The following CEP295 variants were observed in gnomAD, a reference collection of about 807,000 sequenced individuals.
CEP295 encodes the protein centrosomal protein 295, also known as centrosomal protein of 295 kDa.
CEP295 carries 190 observed loss-of-function variants against 291.6 expected under a neutral mutation model. The ratio of observed to expected loss-of-function variants is 0.65; its 90% CI spans 0.58 to 0.73. The LOEUF is 0.73. Ranked by LOEUF, CEP295 falls within the 30% of genes least tolerant of loss-of-function variation. The pLI, the probability that CEP295 is intolerant of heterozygous loss-of-function variation, is 0.00. For missense variants in CEP295, 2,863 were observed against 2,949.4 expected, an observed-to-expected ratio of 0.97 and a Z score of 0.68; for synonymous variants, 993 against 1,038.8, an observed-to-expected ratio of 0.96 and a Z score of 0.85.
intron 9 of CEP295, among the ~76,000 whole-genome samples, chr11:93,686,275 C>A (rs1951232993): frequency 6.6e-6 from 1 of 151,230 alleles, no homozygotes; most frequent in Non-Finnish European, 1.5e-5. Flanking sequence ...GCCGAAACCA[C>A]ACCACTGCAC....
chr11:93,663,741 G>A (rs1009479843), intron 1 of CEP295, among the ~76,000 whole-genome samples: 3 of 152,016 alleles, frequency 2.0e-5, no homozygotes, highest in South Asian at 2.1e-4. Flanking sequence ...TCGCATTTTA[G>A]GAGCTTAAAA....
At chr11:93,704,248 GA>G (rs35291729) in intron 17 of CEP295, among the ~76,000 whole-genome samples, 2 of 151,652 alleles carry the variant, frequency 1.3e-5, no homozygotes, top group Non-Finnish European at 2.9e-5. Flanking sequence ...TATAGTAGTT[GA>G]AAAAAAAGCT....
Position 93,662,759 on chromosome 11 carries a change from T to C in CEP295, c.-27+985T>C, listed in dbSNP as rs865870815. ...GGATACTAACGTCAATGGGCAAAAG[T>C]ATGATGAAAAGCATATTTCTGTAGC... On this transcript the variant is annotated intron_variant, in intron 1 of 29. Coordinates refer to ENST00000325212, the MANE Select transcript of CEP295 (RefSeq NM_033395.2). Among the ~76,000 whole-genome samples, 11 of 152,312 alleles carry C rather than the reference T, an allele frequency of 7.2e-5. No homozygotes were observed. The South Asian group carries it at 2.3e-3, about 32-fold the overall frequency.
intron 9 of CEP295, among the ~76,000 whole-genome samples, chr11:93,686,884 A>T (rs1370528734): frequency 6.6e-6 from 1 of 152,146 alleles, no homozygotes; most frequent in East Asian, 1.9e-4. Context: ...AATTTTTTTT[A>T]ATATAAGTTA....
chr11:93,683,217 A>G (rs1399464891), intron 7 of CEP295, among the ~76,000 whole-genome samples: 2 of 152,220 alleles, frequency 1.3e-5, no homozygotes, highest in Non-Finnish European at 1.5e-5. Context: ...CATTAACTTC[A>G]TGACTTTCCT....
intron 18 of CEP295, among the ~76,000 whole-genome samples, chr11:93,707,320 A>C (rs1177288356): frequency 6.6e-6 from 1 of 152,140 alleles, no homozygotes; most frequent in South Asian, 2.1e-4. Flanking sequence ...CTTAATCCTA[A>C]CACCCAAAGA....
intron 15 of CEP295, among the ~76,000 whole-genome samples, chr11:93,700,925 C>T (rs570658681): frequency 5.3e-5 from 8 of 152,208 alleles, no homozygotes; most frequent in African/African-American, 1.4e-4. Context: ...TGTTGTAAAA[C>T]GGGCATGATT....
intron 18 of CEP295, among the ~76,000 whole-genome samples, chr11:93,708,647 A>G (rs1952683367): frequency 6.6e-6 from 1 of 152,098 alleles, no homozygotes; most frequent in Non-Finnish European, 1.5e-5. Flanking sequence ...GTACTGATTT[A>G]CTTTCTTTTG....
rs17651231 is a variant in CEP295 at position 93,721,358 on chromosome 11, T to C, written c.5796T>C (p.Tyr1932=). Residue 1932 remains tyrosine (Y), a synonymous_variant, in exon 19 of 30, where the codon TAT becomes TAC. Transcript: ENST00000325212. ...SVVENHAVLS[Y]AVEEEHAYLG... ...TTGAAAATCATGCAGTGTTAAGTTATGCTGTGGAGGAAGAACATGCATATT... is the reference window on the plus strand; with the variant it reads ...TTGAAAATCATGCAGTGTTAAGTTACGCTGTGGAGGAAGAACATGCATATT... 0.081 allele frequency: 126,988 copies of C among 1,561,450 alleles called. 5,824 individuals are homozygous for C. Among genetic ancestry groups the C allele is most frequent in the Non-Finnish European group, 0.096 (110,715 of 1,150,262 alleles).
At position 93,722,000 on chromosome 11, in the gene CEP295, C is replaced by T; in HGVS notation, c.5897C>T (p.Thr1966Ile). 1 of 1,580,340 alleles carries T rather than the reference C, an allele frequency of 6.3e-7. No individual in the cohort carries two copies. The highest frequency in any genetic ancestry group is 8.6e-7 in the Non-Finnish European group (1 of 1,160,688). Reference sequence around the variant, plus strand: ...CCATTATCTTCAGCAACTGTTTCCACTGGGAGCCTTTTAAGTTATGAAAAC... The same window carrying T: ...CCATTATCTTCAGCAACTGTTTCCATTGGGAGCCTTTTAAGTTATGAAAAC... The part of the protein sequence containing the change: ...YEPLSSATVS[T>I]GSLLSYENTD... The change falls in exon 20 of 30, where the codon ACT becomes ATT. Residue 1966 changes from threonine (T) to isoleucine (I), a missense_variant. Physicochemically the swap from Thr to Ile is moderately conservative, Grantham distance 89. Transcript: ENST00000325212.
intron 18 of CEP295, among the ~76,000 whole-genome samples, chr11:93,713,974 T>C (rs1281895905): frequency 6.6e-6 from 1 of 152,212 alleles, no homozygotes; most frequent in Non-Finnish European, 1.5e-5. Context: ...GTCGATTGCA[T>C]TTTTCAGCTC....
intron 19 of CEP295, chr11:93,721,667 T>G (rs1591149307): frequency 1.1e-5 from 1 of 91,090 alleles, no homozygotes; most frequent in East Asian, 5.4e-4. Flanking sequence ...ATATGTCTGG[T>G]GTGTGTGTGT....
At chr11:93,723,312 C>T (rs1242209340) in intron 21 of CEP295, 23 bp downstream of exon 21, 1 of 1,419,220 alleles carries the variant, frequency 7.0e-7, no homozygotes, top group Admixed American at 2.6e-5. Flanking sequence ...TAAAGCAATA[C>T]TTTTATGTAA....
At chr11:93,666,294 G>A (rs968159239) in intron 1 of CEP295, among the ~76,000 whole-genome samples, 3 of 152,038 alleles carry the variant, frequency 2.0e-5, no homozygotes, top group Non-Finnish European at 2.9e-5. Context: ...GTATTAACAC[G>A]AATTTTAAAA....
Position 93,683,636 on chromosome 11 carries a change from A to G in CEP295, c.843A>G (p.Gln281=), listed in dbSNP as rs1196088094. 3.9e-6 allele frequency: 6 copies of G among 1,549,896 alleles called. No individual in the cohort carries two copies. The highest frequency in any genetic ancestry group is 1.4e-5 in the African/African-American group (1 of 72,928). The part of the protein sequence containing the change: ...DLARRRQTVA[Q]MPPQLVELPY... ...CACGTAGGAGACAGACTGTAGCACAAATGCCACCACAACTAGTTGAACTTC... is the reference window on the plus strand; with the variant it reads ...CACGTAGGAGACAGACTGTAGCACAGATGCCACCACAACTAGTTGAACTTC... Residue 281 remains glutamine, a synonymous_variant, in exon 8 of 30, where the codon CAA becomes CAG. Transcript: ENST00000325212.
chr11:93,693,569 A>G (rs866102123), intron 12 of CEP295, among the ~76,000 whole-genome samples: 4 of 152,136 alleles, frequency 2.6e-5, no homozygotes, highest in Admixed American at 1.3e-4. Context: ...CAGCCTGGCC[A>G]ACATGGTGAA....
At chr11:93,688,270 G>A (rs1358797483) in intron 10 of CEP295, among the ~76,000 whole-genome samples, 1 of 152,162 alleles carries the variant, frequency 6.6e-6, no homozygotes, top group Non-Finnish European at 1.5e-5. Context: ...TGGCTTTTGA[G>A]CGTGTTGTAT....
rs1301517480 is a variant in CEP295 at position 93,675,616 on chromosome 11, A to G, written c.574A>G (p.Thr192Ala). ...RISAVKTNSS[T>A]YHHLHTFVNR... ...TTCTGCAGTCAAAACCAATAGTTCTACCTACCATCATCTTCACACTTTTGT... is the reference window on the plus strand; with the variant it reads ...TTCTGCAGTCAAAACCAATAGTTCTGCCTACCATCATCTTCACACTTTTGT... Residue 192 changes from threonine (T) to alanine (A), a missense_variant, in exon 6 of 30, where the codon ACC (threonine) becomes GCC (alanine). Physicochemically the swap from Thr to Ala is moderately conservative, Grantham distance 58. This residue lies in a region of CEP295 where 554 missense variants were observed against 576.0 expected (regional missense o/e 0.96). Transcript: ENST00000325212. The G allele has an allele frequency of 3.3e-6, 5 of 1,513,442 alleles. No homozygotes were observed. Among genetic ancestry groups the G allele is most frequent in the East Asian group, 2.6e-5 (1 of 38,510 alleles). 93.8% of individuals were successfully genotyped at this position (1,513,442 alleles called of 1,614,324 possible).
rs915651469 is a variant in CEP295, at chr11:93,702,726, G to T, written c.5453-50G>T. On this transcript the variant is annotated intron_variant, in intron 16 of 29. Coordinates refer to ENST00000325212, the MANE Select transcript of CEP295 (RefSeq NM_033395.2). The stretch of plus-strand genomic sequence containing the variant: ...CTTGCTAGTTGAAGAAAAGTTAGAA[G>T]TATGTTAATAGATTTTGTATTGTAT... The T allele has an allele frequency of 2.6e-6, 4 of 1,541,006 alleles. No homozygotes were observed. In the African/African-American group the frequency reaches 5.5e-5, roughly 21 times the overall value.
Sources: gnomAD v4.1 joint callset for allele counts (sites outside exome capture counted in the v4.1 genomes callset) on GRCh38, gnomAD v4.1.1 for gene constraint, gnomAD v4.1.1 regional missense constraint, MANE v1.5 for transcripts, NCBI Gene and HGNC (gene_info 2026-07-23, HGNC 2026-07-21) for gene names.